Variants in RPTOR observed in about 807,000 individuals in gnomAD.
RPTOR encodes the protein regulatory-associated protein of mTOR.
A neutral mutation model predicts 169.9 loss-of-function variants in RPTOR; 21 were observed. That is an observed-to-expected ratio of 0.12 (90% confidence interval 0.09 to 0.18). The LOEUF (loss-of-function observed/expected upper bound fraction) is 0.18, where lower values mean the gene tolerates loss of function less well. RPTOR is among the 10% of genes least tolerant of loss of function. RPTOR has a pLI of 1.00. For synonymous variants in RPTOR, 732 were observed against 753.2 expected (o/e 0.97, Z 0.46); for missense variants, 1,133 against 1,855.9 (o/e 0.61, Z 7.16).
At chr17:80,684,105 A>T (rs2065917761) in intron 3 of RPTOR, among the ~76,000 whole-genome samples, 1 of 152,192 alleles carries the variant, frequency 6.6e-6, no homozygotes, top group Non-Finnish European at 1.5e-5. Context: ...GGGTGGAGTC[A>T]GGTGTAGATG....
chr17:80,962,012 TG>T (rs2069349259), intron 31 of RPTOR, among the ~76,000 whole-genome samples: 1 of 152,152 alleles, frequency 6.6e-6, no homozygotes, highest in Non-Finnish European at 1.5e-5. Context: ...GGACGCCTGC[TG>T]GGGGTGGAAG....
intron 1 of RPTOR, among the ~76,000 whole-genome samples, chr17:80,622,932 G>C (rs1179825150): frequency 6.6e-6 from 1 of 152,056 alleles, no homozygotes; most frequent in Non-Finnish European, 1.5e-5. Context: ...AAAAGAAAGT[G>C]ATATAATTAA....
Position 80,754,205 on chromosome 17 carries a change from C to T in RPTOR, c.830+20C>T, listed in dbSNP as rs2143335637. Reference sequence around the variant, plus strand: ...GCGCTGGTGAGTGGCCCCTGCTGTGCCCCTGGGACCCACTCAACTGGGCTC... The same window carrying T: ...GCGCTGGTGAGTGGCCCCTGCTGTGTCCCTGGGACCCACTCAACTGGGCTC... On this transcript the variant is annotated intron_variant, in intron 6 of 33. Coordinates refer to ENST00000306801, the MANE Select transcript of RPTOR (RefSeq NM_020761.3). The surrounding 1 kb of genome is among the most constrained non-coding windows in gnomAD (Gnocchi z 4.2). 1.3e-6 allele frequency: 2 copies of T among 1,568,570 alleles called. No individual in the cohort carries two copies. Among genetic ancestry groups the T allele is most frequent in the South Asian group, 1.2e-5 (1 of 86,524 alleles).
intron 7 of RPTOR, among the ~76,000 whole-genome samples, chr17:80,807,616 G>C (rs1459293666): frequency 6.6e-6 from 1 of 152,040 alleles, no homozygotes; most frequent in Non-Finnish European, 1.5e-5. Context: ...CTTCCCAAAG[G>C]GCTGGGGTTA....
intron 6 of RPTOR, among the ~76,000 whole-genome samples, chr17:80,765,407 T>TA (rs1214906693): frequency 2.0e-5 from 3 of 152,348 alleles, no homozygotes; most frequent in South Asian, 2.1e-4. Flanking sequence ...CTGAGCCACT[T>TA]ACGCTTGTCC....
At chr17:80,755,822 T>C (rs1027471844) in intron 6 of RPTOR, among the ~76,000 whole-genome samples, 1 of 151,746 alleles carries the variant, frequency 6.6e-6, no homozygotes, top group Non-Finnish European at 1.5e-5. Flanking sequence ...CTGCAGTGTT[T>C]CTGCTGTCCA....
chr17:80,956,279 G>T (rs944054349), intron 28 of RPTOR, among the ~76,000 whole-genome samples: 4 of 152,316 alleles, frequency 2.6e-5, no homozygotes, highest in African/African-American at 9.6e-5. Flanking sequence ...GAGCTGAGTG[G>T]TGGGTACAAG....
intron 1 of RPTOR, among the ~76,000 whole-genome samples, chr17:80,563,585 T>TAATA (rs68057823): frequency 0.88 from 120,442 of 136,922 alleles, 54,066 homozygotes; most frequent in East Asian, 1. Flanking sequence ...AAAAAAAAGA[T>TAATA]AATAAATAAA....
chr17:80,706,213 C>T (rs2066140707), intron 3 of RPTOR, among the ~76,000 whole-genome samples: 1 of 152,190 alleles, frequency 6.6e-6, no homozygotes, highest in East Asian at 1.9e-4. Context: ...CAACTCAGGG[C>T]ATCTTCCCTG....
Position 80,545,521 on chromosome 17 carries a change from A to G in RPTOR, c.-109A>G. On this transcript the variant is annotated 5_prime_UTR_variant, in exon 1 of 34. Transcript: ENST00000306801. The stretch of plus-strand genomic sequence containing the variant: ...GCACTCTTTATCCATTTGGTTTTCG[A>G]TTTCCCGTTTTTGTTTCTTATTTCA... 1.2e-6 allele frequency: 1 copy of G among 869,338 alleles called. No homozygotes were observed. The allele number at this position is 869,338 out of a possible 1,614,324, so 53.9% of individuals were successfully genotyped here. A position where few individuals can be genotyped will look rare whatever the true frequency, so the allele number is the denominator to read the frequency against.
chr17:80,712,635 G>A (rs1472433883), intron 4 of RPTOR, among the ~76,000 whole-genome samples: 2 of 152,206 alleles, frequency 1.3e-5, no homozygotes, highest in African/African-American at 4.8e-5. Flanking sequence ...ATTAACGTGT[G>A]CAAATTTTTG....
At chr17:80,751,974 C>T (rs901308669) in intron 5 of RPTOR, among the ~76,000 whole-genome samples, 7 of 152,160 alleles carry the variant, frequency 4.6e-5, no homozygotes, top group Non-Finnish European at 7.3e-5. Context: ...CCATTACAGC[C>T]GAATTATAGG....
At chr17:80,913,712 C>T (rs1204551972) in intron 21 of RPTOR, among the ~76,000 whole-genome samples, 83 of 152,254 alleles carry the variant, frequency 5.5e-4, no homozygotes, top group South Asian at 3.7e-3. Context: ...ATTTCCCTCC[C>T]AAAATGCCAG....
Position 80,893,883 on chromosome 17 carries a change from T to C in RPTOR, c.2401+18T>C. The C allele has an allele frequency of 6.6e-7, 1 of 1,510,110 alleles. No homozygotes were observed. The highest frequency in any genetic ancestry group is 8.9e-7 in the Non-Finnish European group (1 of 1,128,224). The allele number at this position is 1,510,110 out of a possible 1,614,324, so 93.5% of individuals were successfully genotyped here. On this transcript the variant is annotated intron_variant, in intron 20 of 33. Coordinates refer to ENST00000306801, the MANE Select transcript of RPTOR (RefSeq NM_020761.3). ...CCTCATCGGTGAGTCCGCCTGCCCC[T>C]TTCTGCTTCCGAGGGGCCCCGAGGG...
At chr17:80,921,792 C>A (rs2143973880) in intron 21 of RPTOR, among the ~76,000 whole-genome samples, 1 of 152,292 alleles carries the variant, frequency 6.6e-6, no homozygotes, top group South Asian at 2.1e-4. Context: ...GTGCACCACC[C>A]TGCTCCCCAC....
chr17:80,911,068 T>C (rs1011421992), intron 21 of RPTOR, among the ~76,000 whole-genome samples: 3 of 152,164 alleles, frequency 2.0e-5, no homozygotes. Context: ...CTTGACCTCG[T>C]GATCCGCCTG....
chr17:80,724,188 C>T (rs1442388609), intron 4 of RPTOR, among the ~76,000 whole-genome samples: 13 of 151,318 alleles, frequency 8.6e-5, no homozygotes, highest in African/African-American at 3.2e-4. Context: ...GAGGTGAATA[C>T]AAATGTGGTG....
At chr17:80,606,484 A>T (rs762557977) in intron 1 of RPTOR, among the ~76,000 whole-genome samples, 1 of 151,902 alleles carries the variant, frequency 6.6e-6, no homozygotes, top group Non-Finnish European at 1.5e-5. Context: ...AGCTTTTGAA[A>T]ATTTTTTACC....
At position 80,754,894 on chromosome 17, in the gene RPTOR, C is replaced by A. The variant is rs11658179; in HGVS notation, c.830+709C>A. ...AATACCTCTCCCTTGAGGTGCCGTG[C>A]GAATGGTGCAGCTGTGCAGCAGACA... On this transcript the variant is annotated intron_variant, in intron 6 of 33. Coordinates refer to ENST00000306801, the MANE Select transcript of RPTOR (RefSeq NM_020761.3). The surrounding 1 kb of genome is among the most constrained non-coding windows in gnomAD (Gnocchi z 4.2). Among the ~76,000 whole-genome samples the A allele has an allele frequency of 6.6e-6, 1 of 152,006 alleles. No homozygotes were observed. Among genetic ancestry groups the A allele is most frequent in the South Asian group, 2.1e-4 (1 of 4,828 alleles).
Sources: allele counts gnomAD v4.1 joint callset (sites outside exome capture counted in the v4.1 genomes callset), GRCh38; gene constraint gnomAD v4.1.1; non-coding constraint Gnocchi (gnomAD v3.1); transcripts MANE v1.5; gene names NCBI Gene and HGNC (gene_info 2026-07-23, HGNC 2026-07-21).